OSGEPL1: variants seen among roughly 807,000 people sequenced by gnomAD.
OSGEPL1 encodes tRNA N6-adenosine threonylcarbamoyltransferase, mitochondrial.
Under a neutral mutation model 37.2 loss-of-function variants are expected in OSGEPL1, and 26 were observed. The observed-to-expected ratio is 0.70, with a 90% CI of 0.51 to 0.97. The LOEUF (loss-of-function observed/expected upper bound fraction) is 0.97, where lower values mean the gene tolerates loss of function less well. Ranked by LOEUF, OSGEPL1 falls within the 50% of genes least tolerant of loss-of-function variation. The pLI, the probability that OSGEPL1 is intolerant of heterozygous loss-of-function variation, is 0.00. For missense variants in OSGEPL1, 404 were observed against 487.0 expected, an observed-to-expected ratio of 0.83 and a Z score of 1.60; for synonymous variants, 140 against 159.9, an observed-to-expected ratio of 0.88 and a Z score of 0.94.
chr2:189,752,942 C>T lies in OSGEPL1; in HGVS notation c.1001G>A (p.Arg334His), dbSNP rs749109122. The change falls in exon 6 of 9, where the codon CGC becomes CAC. Residue 334 changes from arginine to histidine, a missense_variant. Transcript: ENST00000264151. ...ATTTGTTAAAATTTCCAGAGCTCTGCGGATATAGAAGTTACTTGCGACACC... is the reference window on the plus strand; with the variant it reads ...ATTTGTTAAAATTTCCAGAGCTCTGTGGATATAGAAGTTACTTGCGACACC... ...SGGVASNFYI[R>H]RALEILTNAT... 3 of 1,613,072 alleles carry T rather than the reference C, an allele frequency of 1.9e-6. No individual in the cohort carries two copies. Among genetic ancestry groups the T allele is most frequent in the South Asian group, 1.1e-5 (1 of 90,852 alleles).
chr2:189,760,619 C>T (rs922394563), intron 2 of OSGEPL1, among the ~76,000 whole-genome samples: 3 of 151,980 alleles, frequency 2.0e-5, no homozygotes, highest in Non-Finnish European at 2.9e-5. Flanking sequence ...GGTGAAACCC[C>T]GTCTCTACTA....
At chr2:189,747,382 CAGAAA>C (rs1267313449) in intron 8 of OSGEPL1, 13 of 131,832 alleles carry the variant, frequency 9.9e-5, no homozygotes, top group Non-Finnish European at 1.5e-4. Flanking sequence ...GTGGATGAAG[CAGAAA>C]AGAAAAATTA....
chr2:189,755,019 C>T, intron 3 of OSGEPL1, 154 bp downstream of exon 3: 3 of 829,850 alleles, frequency 3.6e-6, no homozygotes, highest in Non-Finnish European at 5.4e-6. Context: ...TTGTGTACTA[C>T]TCTTTCTATT....
chr2:189,763,176 A>T (rs143507093), upstream of OSGEPL1: 19 of 985,270 alleles, frequency 1.9e-5, no homozygotes, highest in Middle Eastern at 1.6e-3. Context: ...TGATACTTTC[A>T]TCGGAGAAAT....
chr2:189,753,181 T>C (rs538214843), intron 5 of OSGEPL1: 2 of 352,546 alleles, frequency 5.7e-6, no homozygotes, highest in African/African-American at 2.1e-5. Flanking sequence ...CAAACATTAC[T>C]AGCATTTTTG....
Position 189,755,369 on chromosome 2 carries a change from A to C in OSGEPL1, c.413T>G (p.Leu138Ter), listed in dbSNP as rs762351717. 7 of 1,613,656 alleles carry C rather than the reference A, an allele frequency of 4.3e-6. No homozygotes were observed. Among genetic ancestry groups the C allele is most frequent in the Non-Finnish European group, 5.9e-6 (7 of 1,179,736 alleles). ...ATGAATGGGAATGAATGGCTTTTTT[A>C]ACTGTCCTACCAGCTGTAAGCTAAA... ...LSFSLQLVGQ[L>*]KKPFIPIHHM... is the part of the protein sequence containing the mutation. The change falls in exon 3 of 9, where the codon TTA (leucine) becomes TGA (stop). Residue 138 changes from leucine (L) to a stop codon, truncating the protein, a stop_gained. Transcript: ENST00000264151. LOFTEE classifies it high-confidence loss of function.
At chr2:189,763,197 C>G (rs565219413), upstream of OSGEPL1, 62 of 985,126 alleles carry the variant, frequency 6.3e-5, no homozygotes, top group African/African-American at 9.8e-4. Context: ...AGGATGGAAT[C>G]TAGCGGCGCC....
chr2:189,750,624 A>T lies in OSGEPL1; in HGVS notation c.1199T>A (p.Val400Asp), dbSNP rs764204424. The T allele has an allele frequency of 6.3e-7, 1 of 1,592,088 alleles. No individual in the cohort carries two copies. The highest frequency in any genetic ancestry group is 2.3e-5 in the East Asian group (1 of 44,260). ...CPLGVDISKE[V>D]GEASIKVPQL... ...TGGTACTTTTATGGAAGCTTCTCCA[A>T]CTTCTTTTGATATGTCTACTCCAAG... is the stretch of plus-strand genomic sequence containing the variant. The change falls in exon 8 of 9, where the codon GTT (valine) becomes GAT (aspartate). Residue 400 changes from valine (V) to aspartate (D), a missense_variant. By Grantham distance (152) the Val-to-Asp change is radical. Transcript: ENST00000264151.
At chr2:189,756,232 C>A (rs2046062361) in intron 2 of OSGEPL1, among the ~76,000 whole-genome samples, 1 of 152,120 alleles carries the variant, frequency 6.6e-6, no homozygotes, top group Admixed American at 6.5e-5. Context: ...GAATCTGGTG[C>A]TCAGAGTTTG....
upstream of OSGEPL1, chr2:189,763,162 T>TA (rs780404645): frequency 3.9e-5 from 38 of 985,042 alleles, no homozygotes; most frequent in Admixed American, 1.8e-4. Flanking sequence ...AGGGGTGAGG[T>TA]ACCTGATACT....
At chr2:189,747,582 C>T (rs1898559) in intron 8 of OSGEPL1, among the ~76,000 whole-genome samples, 63 of 152,096 alleles carry the variant, frequency 4.1e-4, no homozygotes, top group African/African-American at 1.4e-3. Flanking sequence ...TGGCTTAGAA[C>T]CATATGATGT....
At chr2:189,757,734 CATT>C (rs2046298756) in intron 2 of OSGEPL1, among the ~76,000 whole-genome samples, 1 of 152,188 alleles carries the variant, frequency 6.6e-6, no homozygotes, top group African/African-American at 2.4e-5. Flanking sequence ...TCATATGTCT[CATT>C]TATATTTGTA....
At position 189,755,558 on chromosome 2, in the gene OSGEPL1, G is replaced by C; in HGVS notation, c.224C>G (p.Thr75Arg). ...IHSQTEVHLKTGGIVPPAAQQ... is the reference protein window; with the variant it reads ...IHSQTEVHLKRGGIVPPAAQQ... Reference sequence around the variant, plus strand: ...AGCTGCTGGAGGAACAATCCCACCTGTTCTGAAAGAAAGAAAGACAGCATT... The same window carrying C: ...AGCTGCTGGAGGAACAATCCCACCTCTTCTGAAAGAAAGAAAGACAGCATT... The change falls in exon 3 of 9, where the codon ACA (threonine) becomes AGA (arginine). Residue 75 changes from threonine to arginine, a missense_variant and splice_region_variant. Coordinates refer to ENST00000264151, the MANE Select transcript of OSGEPL1 (RefSeq NM_022353.3). The C allele has an allele frequency of 6.3e-7, 1 of 1,576,662 alleles. No individual in the cohort carries two copies.
intron 2 of OSGEPL1, among the ~76,000 whole-genome samples, chr2:189,756,276 A>C (rs2046073793): frequency 6.6e-6 from 1 of 152,178 alleles, no homozygotes; most frequent in Non-Finnish European, 1.5e-5. Flanking sequence ...AGGATGGTGG[A>C]TGGCCACTCC....
intron 3 of OSGEPL1, chr2:189,754,861 CT>C (rs2045857077): frequency 3.1e-6 from 1 of 322,736 alleles, no homozygotes. Flanking sequence ...CTTATTTTAC[CT>C]TTTTTGCAGT....
chr2:189,757,195 A>C (rs765504338), intron 2 of OSGEPL1, among the ~76,000 whole-genome samples: 1 of 152,220 alleles, frequency 6.6e-6, no homozygotes, highest in Non-Finnish European at 1.5e-5. Context: ...AAAGACAATA[A>C]GGGATTGAAC....
At chr2:189,750,444 T>C (rs1159820121) in intron 8 of OSGEPL1, 106 bp downstream of exon 8, 1 of 422,828 alleles carries the variant, frequency 2.4e-6, no homozygotes, top group African/African-American at 5.6e-5. Flanking sequence ...AGGTAAAACA[T>C]CAAATAGAAA....
chr2:189,760,037 T>A (rs559991930), intron 2 of OSGEPL1, among the ~76,000 whole-genome samples: 156 of 152,284 alleles, frequency 1.0e-3, no homozygotes, highest in African/African-American at 3.5e-3. Context: ...TAACCCTGAG[T>A]TGACACAGCA....
At chr2:189,761,108 A>C (rs1395968582) in intron 2 of OSGEPL1, 1 of 205,586 alleles carries the variant, frequency 4.9e-6, no homozygotes, top group African/African-American at 2.3e-5. Flanking sequence ...TTTTCCTAGG[A>C]CTTCAGCTGA....
Sources: allele counts gnomAD v4.1 joint callset (sites outside exome capture counted in the v4.1 genomes callset), GRCh38; gene constraint gnomAD v4.1.1; transcripts MANE v1.5; gene names NCBI Gene and HGNC (gene_info 2026-07-23, HGNC 2026-07-21).